Variants in IDH3G observed in about 807,000 individuals in gnomAD.
IDH3G encodes isocitrate dehydrogenase (NAD(+)) 3 non-catalytic subunit gamma.
A neutral mutation model predicts 26.9 loss-of-function variants in IDH3G; 9 were observed. The observed-to-expected ratio is 0.34, with a 90% confidence interval of 0.20 to 0.58. The LOEUF (loss-of-function observed/expected upper bound fraction) is 0.58. Among genes scored for constraint, IDH3G ranks in the 20% least tolerant of loss-of-function variants. IDH3G has a pLI of 0.85. For synonymous variants in IDH3G, 181 were observed against 160.0 expected (o/e 1.13, Z -0.99); for missense variants, 250 against 372.8 (o/e 0.67, Z 2.71).
chrX:153,787,172 T>A lies in IDH3G; in HGVS notation c.675-19A>T, dbSNP rs782033222. ...CAGTTTCCTGGTGGGGGGTTAGGAA[T>A]AGGACACCAGCTTGGCCATCGCAAC... On this transcript the variant is annotated intron_variant, in intron 8 of 12. Transcript: ENST00000217901. 8.7e-7 allele frequency: 1 copy of A among 1,144,578 alleles called. No individual in the cohort carries two copies. Among genetic ancestry groups the A allele is most frequent in the South Asian group, 1.8e-5 (1 of 54,912 alleles). 94.3% of individuals were successfully genotyped at this position (1,144,578 alleles called of 1,213,427 possible). A position where few individuals can be genotyped will look rare whatever the true frequency, so the allele number is the denominator to read the frequency against.
intron 1 of IDH3G, 57 bp downstream of exon 1, chrX:153,794,189 T>C (rs2092122718): frequency 8.9e-7 from 1 of 1,119,184 alleles, no homozygotes; most frequent in Non-Finnish European, 1.2e-6. Flanking sequence ...CGGGTGCGGC[T>C]ACCCCACCGC....
In IDH3G at chrX:153,794,341, G is replaced by A. The variant is rs782574605; in HGVS notation, c.-15C>T. 9 of 1,186,314 alleles carry A rather than the reference G, an allele frequency of 7.6e-6. No individual in the cohort carries two copies. The South Asian group carries it at 1.1e-4, about 14-fold the overall frequency. ...TTCAGCGCCATGACGGAAAGTGAGAGCCTCCGCACGTCCCGACACGCAGAT... is the reference window on the plus strand; with the variant it reads ...TTCAGCGCCATGACGGAAAGTGAGAACCTCCGCACGTCCCGACACGCAGAT... On this transcript the variant is annotated 5_prime_UTR_variant, in exon 1 of 13. Transcript: ENST00000217901.
chrX:153,787,443 C>A, intron 8 of IDH3G, 21 bp downstream of exon 8: 4 of 1,206,532 alleles, frequency 3.3e-6, no homozygotes, highest in Non-Finnish European at 4.5e-6. Context: ...GGACTGCTCG[C>A]AGAGAGGTCA....
chrX:153,790,203 G>A lies in IDH3G; in HGVS notation c.225C>T (p.Ser75=), dbSNP rs147357458. ...IGPELMLHVK[S]VFRHACVPVD... Reference sequence around the variant, plus strand: ...ACCCAGGAGCTCCATACCTGAAGACGGACTTGACATGCAGCATGAGCTCTG... The same window carrying A: ...ACCCAGGAGCTCCATACCTGAAGACAGACTTGACATGCAGCATGAGCTCTG... The change falls in exon 4 of 13, where the codon TCC becomes TCT. Residue 75 remains serine, a synonymous_variant. Transcript: ENST00000217901. 349 of 1,204,551 alleles carry A rather than the reference G, an allele frequency of 2.9e-4. 2 individuals are homozygous for A. In the African/African-American group the frequency reaches 4.8e-3, roughly 17 times the overall value.
rs782324757 is a variant in IDH3G at position 153,787,452 on chromosome X, CA to C, written c.674+11del. 4.7e-5 allele frequency: 57 copies of C among 1,208,496 alleles called. No homozygotes were observed. Among genetic ancestry groups the C allele is most frequent in the Non-Finnish European group, 6.3e-5 (56 of 894,323 alleles). Reference sequence around the variant, plus strand: ...GCTTCTGGACTGCTCGCAGAGAGGTCAGGGGACATACATGATGTTGGCCTTG... The same window carrying C: ...GCTTCTGGACTGCTCGCAGAGAGGTCGGGGACATACATGATGTTGGCCTTG... On this transcript the variant is annotated intron_variant, in intron 8 of 12. Coordinates refer to ENST00000217901, the MANE Select transcript of IDH3G (RefSeq NM_004135.4).
chrX:153,789,115 C>T (rs1254950611), intron 5 of IDH3G: 2 of 341,127 alleles, frequency 5.9e-6, no homozygotes, highest in Non-Finnish European at 1.2e-5. Context: ...TGCTCTCACT[C>T]GAATCCCAGC....
At chrX:153,790,065 C>T (rs1336083419) in intron 4 of IDH3G, 130 bp downstream of exon 4, 13 of 557,715 alleles carry the variant, frequency 2.3e-5, no homozygotes, top group South Asian at 1.7e-4. Flanking sequence ...GGCCATGGGA[C>T]GCAAGGCCTG....
Position 153,787,224 on chromosome X carries a change from G to C in IDH3G, c.675-71C>G, listed in dbSNP as rs1357056888. On this transcript the variant is annotated intron_variant, in intron 8 of 12. Transcript: ENST00000217901. ...GTCAGCCAGAGGGACGGGGCGTGCA[G>C]AGGGCCCCAGGAGGCTGGGGTCTGA... 4 of 884,435 alleles carry C rather than the reference G, an allele frequency of 4.5e-6. No individual in the cohort carries two copies. In the African/African-American group the frequency reaches 7.8e-5, roughly 17 times the overall value. The allele number at this position is 884,435 out of a possible 1,213,427, so 72.9% of individuals were successfully genotyped here.
intron 3 of IDH3G, 98 bp downstream of exon 3, chrX:153,790,466 G>T (rs1273645459): frequency 3.0e-6 from 3 of 994,009 alleles, no homozygotes; most frequent in African/African-American, 3.8e-5. Context: ...CTCATCCAGG[G>T]CTCCTGGGTC....
Position 153,790,309 on chromosome X carries a change from G to A in IDH3G, c.136-17C>T, listed in dbSNP as rs2092104637. 4 of 1,168,890 alleles carry A rather than the reference G, an allele frequency of 3.4e-6. No individual in the cohort carries two copies. Among genetic ancestry groups the A allele is most frequent in the Middle Eastern group, 2.3e-4 (1 of 4,259 alleles). On this transcript the variant is annotated splice_polypyrimidine_tract_variant and intron_variant, in intron 3 of 12. Coordinates refer to ENST00000217901, the MANE Select transcript of IDH3G (RefSeq NM_004135.4). Reference sequence around the variant, plus strand: ...GGACGGAGGCTGTGGGAGGCAGAGGGTGAAGGTGGGCCTTCGGGGATCCCA... The same window carrying A: ...GGACGGAGGCTGTGGGAGGCAGAGGATGAAGGTGGGCCTTCGGGGATCCCA...
rs1557069379 is a variant in IDH3G, at chrX:153,787,167, A to G, written c.675-14T>C. Reference sequence around the variant, plus strand: ...TCGCCCAGTTTCCTGGTGGGGGGTTAGGAATAGGACACCAGCTTGGCCATC... The same window carrying G: ...TCGCCCAGTTTCCTGGTGGGGGGTTGGGAATAGGACACCAGCTTGGCCATC... On this transcript the variant is annotated splice_polypyrimidine_tract_variant and intron_variant, in intron 8 of 12. Coordinates refer to ENST00000217901, the MANE Select transcript of IDH3G (RefSeq NM_004135.4). The G allele has an allele frequency of 8.6e-7, 1 of 1,166,146 alleles. No homozygotes were observed. Among genetic ancestry groups the G allele is most frequent in the Non-Finnish European group, 1.2e-6 (1 of 855,373 alleles).
chrX:153,790,440 G>A lies in IDH3G; in HGVS notation c.135+124C>T, dbSNP rs1206789434. On this transcript the variant is annotated intron_variant, in intron 3 of 12. Coordinates refer to ENST00000217901, the MANE Select transcript of IDH3G (RefSeq NM_004135.4). ...CAAGGTGCCAACTTGGGGCAGCCCC[G>A]TCCCAGACAGGGCTGCTCATCCAGG... 21 of 903,542 alleles carry A rather than the reference G, an allele frequency of 2.3e-5. No homozygotes were observed. In the Admixed American group the frequency reaches 2.5e-4, roughly 11 times the overall value. 74.5% of individuals were successfully genotyped at this position (903,542 alleles called of 1,213,427 possible).
intron 2 of IDH3G, 107 bp downstream of exon 2, chrX:153,790,703 G>A (rs1008499868): frequency 1.9e-6 from 2 of 1,056,607 alleles, no homozygotes. Flanking sequence ...GGGGTGGGTA[G>A]CCCCTGGAGA....
chrX:153,787,399 G>A (rs984682709), intron 8 of IDH3G, 65 bp downstream of exon 8: 13 of 1,162,992 alleles, frequency 1.1e-5, no homozygotes, highest in African/African-American at 1.7e-5. Context: ...AAATCCCTCA[G>A]AGCAGGCCCA....
rs782450370 is a variant in IDH3G, at chrX:153,787,807, G to T, written c.540+16C>A. On this transcript the variant is annotated intron_variant, in intron 7 of 12. Coordinates refer to ENST00000217901, the MANE Select transcript of IDH3G (RefSeq NM_004135.4). ...CTTGACGCTGGGGGGGCTCATCTCG[G>T]GCCCCCCATGCACACCTCATGCTCC... 6 of 1,196,134 alleles carry T rather than the reference G, an allele frequency of 5.0e-6. No individual in the cohort carries two copies. The highest frequency in any genetic ancestry group is 6.8e-6 in the Non-Finnish European group (6 of 884,423).
chrX:153,786,311 C>T (rs1557069155), intron 11 of IDH3G, 39 bp from the exon 12 acceptor site: 5 of 1,202,315 alleles, frequency 4.2e-6, no homozygotes, highest in Middle Eastern at 2.3e-4. Flanking sequence ...CCCTGGGGCC[C>T]GGAGGGCTGG....
At position 153,791,028 on chromosome X, in the gene IDH3G, G is replaced by A. The variant is rs1603256010; in HGVS notation, c.82-177C>T. The A allele has an allele frequency of 2.9e-5, 12 of 418,464 alleles. No individual in the cohort carries two copies. In the East Asian group the frequency reaches 4.0e-4, roughly 14 times the overall value. 34.5% of individuals were successfully genotyped at this position (418,464 alleles called of 1,213,427 possible). A position where few individuals can be genotyped will look rare whatever the true frequency, so the allele number is the denominator to read the frequency against. ...AAGCCTCAGTCCCCAGGGCCGGCCC[G>A]CTGGAGCACCTGGAAAGTAGAAGGC... On this transcript the variant is annotated intron_variant, in intron 1 of 12. Transcript: ENST00000217901.
intron 5 of IDH3G, among the ~76,000 whole-genome samples, chrX:153,788,711 C>T (rs1557069753): frequency 8.8e-6 from 1 of 113,279 alleles, no homozygotes; most frequent in African/African-American, 3.2e-5. Flanking sequence ...ACCCAGACTG[C>T]TCCACTCACA....
intron 5 of IDH3G, chrX:153,789,208 C>G (rs2092100035): frequency 5.9e-6 from 2 of 341,409 alleles, no homozygotes; most frequent in African/African-American, 5.3e-5. Flanking sequence ...GCCCTGAAAT[C>G]AGAGCCGTGG....
Sources: gnomAD v4.1 joint callset for allele counts (sites outside exome capture counted in the v4.1 genomes callset) on GRCh38, gnomAD v4.1.1 for gene constraint, MANE v1.5 for transcripts, NCBI Gene and HGNC (gene_info 2026-07-23, HGNC 2026-07-21) for gene names.